The following NOS1 variants were observed in gnomAD, a reference collection of about 807,000 sequenced individuals.
NOS1 encodes the protein NOS type I.
Under a neutral mutation model 164.5 loss-of-function variants are expected in NOS1, and 51 were observed. That is an observed-to-expected ratio of 0.31 (90% confidence interval 0.25 to 0.39). The LOEUF (loss-of-function observed/expected upper bound fraction) is 0.39. NOS1 is among the 10% of genes least tolerant of loss of function. The pLI is 1.00. For synonymous variants in NOS1, 719 were observed against 745.8 expected (o/e 0.96, Z 0.59); for missense variants, 1,362 against 1,885.6 (o/e 0.72, Z 5.14).
At chr12:117,235,005 A>G (rs992263814) in intron 20 of NOS1, among the ~76,000 whole-genome samples, 89 of 151,650 alleles carry the variant, frequency 5.9e-4, no homozygotes, top group Admixed American at 5.7e-3. Flanking sequence ...TGCAGCCTCT[A>G]TCTCCCAAGC....
At position 117,330,514 on chromosome 12, in the gene NOS1, C is replaced by T. The variant is rs267603328; in HGVS notation, c.556G>A (p.Asp186Asn). Residue 186 changes from aspartate (D) to asparagine (N), a missense_variant, in exon 2 of 29, where the codon GAC becomes AAC. Coordinates refer to ENST00000317775, the MANE Select transcript of NOS1 (RefSeq NM_000620.5). This position sits in a 1 kb window ranked among gnomAD's most constrained non-coding sequence, Gnocchi z 4.6. Reference sequence around the variant, plus strand: ...ACTCTGGTTGCTTTCTTCGCGGGGTCCTGGCCTGGGGGCCTGGGGGCCAGG... The same window carrying T: ...ACTCTGGTTGCTTTCTTCGCGGGGTTCTGGCCTGGGGGCCTGGGGGCCAGG... ...NGLAPRPPGQDPAKKATRVSL... is the reference protein window; with the variant it reads ...NGLAPRPPGQNPAKKATRVSL... The T allele has an allele frequency of 6.2e-7, 1 of 1,614,060 alleles. No individual in the cohort carries two copies. Among genetic ancestry groups the T allele is most frequent in the East Asian group, 2.2e-5 (1 of 44,862 alleles).
chr12:117,216,185 T>C (rs1956607041), intron 28 of NOS1, among the ~76,000 whole-genome samples: 1 of 66,558 alleles, frequency 1.5e-5, no homozygotes, highest in Non-Finnish European at 3.2e-5. Flanking sequence ...TCAAAAGGGA[T>C]TTTTTTTTTT....
intron 21 of NOS1, 121 bp from the exon 22 acceptor site, chr12:117,232,252 G>A (rs1869302229): frequency 3.7e-6 from 3 of 812,042 alleles, no homozygotes; most frequent in East Asian, 2.7e-5. Flanking sequence ...CCAGAGCCAA[G>A]CAACCTTCTA....
intron 26 of NOS1, 85 bp downstream of exon 26, chr12:117,222,630 G>C: frequency 7.7e-7 from 1 of 1,290,958 alleles, no homozygotes; most frequent in African/African-American, 1.5e-5. Context: ...AAGCTTAAGA[G>C]TGAGGGTGAG....
At chr12:117,336,338 C>T (rs1875819049) in intron 1 of NOS1, among the ~76,000 whole-genome samples, 1 of 152,194 alleles carries the variant, frequency 6.6e-6, no homozygotes, top group East Asian at 1.9e-4. Flanking sequence ...TCTAGTCTAG[C>T]TTCCTCATGC....
intron 1 of NOS1, among the ~76,000 whole-genome samples, chr12:117,346,453 A>G (rs942456503): frequency 1.3e-5 from 2 of 152,232 alleles, no homozygotes; most frequent in African/African-American, 2.4e-5. Flanking sequence ...CCTGGACCAC[A>G]GAGCGAGACT....
chr12:117,217,964 G>T, intron 28 of NOS1, 82 bp downstream of exon 28: 2 of 1,014,506 alleles, frequency 2.0e-6, no homozygotes, highest in South Asian at 1.3e-5. Flanking sequence ...ACCCTGCCGT[G>T]GGAAAGCCAG....
At chr12:117,358,013 C>A (rs1208945933) in intron 1 of NOS1, among the ~76,000 whole-genome samples, 3 of 152,190 alleles carry the variant, frequency 2.0e-5, no homozygotes, top group Non-Finnish European at 4.4e-5. Context: ...CTCACGAGCA[C>A]GGATTGTTGC....
chr12:117,310,187 G>A (rs908034350), intron 3 of NOS1, among the ~76,000 whole-genome samples: 6 of 152,164 alleles, frequency 3.9e-5, no homozygotes, highest in Non-Finnish European at 7.3e-5. Flanking sequence ...GATTACAGGC[G>A]TGAGCCGCCA....
chr12:117,235,080 G>A (rs2135944104), intron 20 of NOS1, among the ~76,000 whole-genome samples: 1 of 152,012 alleles, frequency 6.6e-6, no homozygotes, highest in Admixed American at 6.6e-5. Context: ...GTCATGCCTG[G>A]GTAATTTTGG....
At chr12:117,309,312 C>A in intron 3 of NOS1, 1 of 984,368 alleles carries the variant, frequency 1.0e-6, no homozygotes. Flanking sequence ...ATGGGTCTGA[C>A]CTACCACAGA....
chr12:117,286,394 T>A, intron 5 of NOS1, 128 bp from the exon 6 acceptor site: 1 of 961,646 alleles, frequency 1.0e-6, no homozygotes, highest in Non-Finnish European at 1.5e-6. Flanking sequence ...GATGCAACAG[T>A]TTGATTTCTG....
intron 1 of NOS1, among the ~76,000 whole-genome samples, chr12:117,340,873 A>ATTTTTTTTTTTTTTTTTTTTTTTT (rs56322341): frequency 9.6e-6 from 1 of 104,480 alleles, no homozygotes; most frequent in African/African-American, 4.0e-5. Context: ...ACACCTGGCT[A>ATTTTTTTTTTTTTTTTTTTTTTTT]TTTTTTTTTT....
At chr12:117,361,206 T>C (rs1877131976) in intron 1 of NOS1, among the ~76,000 whole-genome samples, 1 of 147,582 alleles carries the variant, frequency 6.8e-6, no homozygotes, top group Non-Finnish European at 1.5e-5. Context: ...CTCCTCTTCC[T>C]CCCGGGCGCC....
chr12:117,348,048 C>G (rs1876437100), intron 1 of NOS1: 1 of 127,112 alleles, frequency 7.9e-6, no homozygotes. Context: ...TTTAGTGACT[C>G]TACCTGGGGG....
At chr12:117,283,056 A>ATAT (rs1360367568) in intron 7 of NOS1, among the ~76,000 whole-genome samples, 24 of 92,956 alleles carry the variant, frequency 2.6e-4, no homozygotes, top group African/African-American at 6.8e-4. Context: ...ATATATATAT[A>ATAT]TTTTTTTTTT....
chr12:117,329,303 G>C (rs1875410766), intron 2 of NOS1, among the ~76,000 whole-genome samples: 1 of 152,148 alleles, frequency 6.6e-6, no homozygotes, highest in Non-Finnish European at 1.5e-5. Flanking sequence ...AGTGAATGCA[G>C]GGGTCTGGGG....
At chr12:117,309,232 T>C in intron 3 of NOS1, 1 of 484,302 alleles carries the variant, frequency 2.1e-6, no homozygotes, top group Non-Finnish European at 2.7e-6. Flanking sequence ...ATAATAAAAG[T>C]CTACAGTTGT....
At position 117,208,748 on chromosome 12, in the gene NOS1, GGGT is replaced by G; in HGVS notation, c.*6558_*6560del. The G allele has an allele frequency of 1.0e-6, 1 of 981,174 alleles. No homozygotes were observed. 60.8% of individuals were successfully genotyped at this position (981,174 alleles called of 1,614,324 possible). A position where few individuals can be genotyped will look rare whatever the true frequency, so the allele number is the denominator to read the frequency against. On this transcript the variant is annotated 3_prime_UTR_variant, in exon 29 of 29. Transcript: ENST00000317775. The stretch of plus-strand genomic sequence containing the variant: ...GAGGGCTTTTTTTTTTTTTTCCACA[GGGT>G]CTCATTCTGTCAACAAGCTGGAGTG...
Sources: allele counts gnomAD v4.1 joint callset (sites outside exome capture counted in the v4.1 genomes callset), GRCh38; gene constraint gnomAD v4.1.1; non-coding constraint Gnocchi (gnomAD v3.1); transcripts MANE v1.5; gene names NCBI Gene and HGNC (gene_info 2026-07-23, HGNC 2026-07-21).